CDK19: variants seen among roughly 807,000 people sequenced by gnomAD.
CDK19 encodes the protein cyclin dependent kinase 19.
CDK19 carries 20 observed loss-of-function variants against 68.3 expected under a neutral mutation model. That is an observed-to-expected ratio of 0.29 (90% CI 0.21 to 0.43). The LOEUF is 0.43. Ranked by LOEUF, CDK19 falls within the 20% of genes least tolerant of loss-of-function variation. CDK19 has a pLI of 1.00. For missense variants in CDK19, 339 were observed against 623.5 expected (o/e 0.54, Z 4.86); for synonymous variants, 221 against 222.8 (o/e 0.99, Z 0.07).
intron 2 of CDK19, among the ~76,000 whole-genome samples, chr6:110,672,880 T>A (rs1244707037): frequency 1.3e-5 from 2 of 152,090 alleles, no homozygotes; most frequent in Non-Finnish European, 2.9e-5. Context: ...AGTAGCATGG[T>A]ATTTCTAGAT....
intron 4 of CDK19, among the ~76,000 whole-genome samples, chr6:110,650,179 A>C (rs931141585): frequency 6.6e-6 from 1 of 152,250 alleles, no homozygotes; most frequent in Admixed American, 6.5e-5. Context: ...TTAAAACCAG[A>C]CAAAGCTAAA....
chr6:110,631,917 G>A lies in CDK19; in HGVS notation c.646+113C>T, dbSNP rs1209337118. The A allele has an allele frequency of 2.0e-5, 18 of 914,280 alleles. No homozygotes were observed. In the African/African-American group the frequency reaches 2.6e-4, roughly 13 times the overall value. 56.6% of individuals were successfully genotyped at this position (914,280 alleles called of 1,614,324 possible). ...AAATCTAGGAATACAGAAGACAATA[G>A]GACTTTTACAAAAATGTATAAAATG... On this transcript the variant is annotated intron_variant, in intron 6 of 12. Transcript: ENST00000368911.
In CDK19 at chr6:110,669,087, T is replaced by C. The variant is rs924160018; in HGVS notation, c.315+1344A>G. 2.0e-5 allele frequency among the ~76,000 whole-genome samples: 3 copies of C among 152,236 alleles called. No homozygotes were observed. In the East Asian group the frequency reaches 5.8e-4, roughly 29 times the overall value. ...CCACTGATGTTCAAAGTAAAGTACA[T>C]ACACTGTCCAGTAAGCCTTGGTTGA... On this transcript the variant is annotated intron_variant, in intron 3 of 12. Transcript: ENST00000368911.
chr6:110,715,033 C>T (rs968684852), intron 2 of CDK19, among the ~76,000 whole-genome samples: 2 of 152,014 alleles, frequency 1.3e-5, no homozygotes, highest in Admixed American at 6.6e-5. Flanking sequence ...CATGCCTGGC[C>T]GAAAAATGTC....
intron 1 of CDK19, among the ~76,000 whole-genome samples, chr6:110,775,633 A>G (rs1780343352): frequency 6.6e-6 from 1 of 152,246 alleles, no homozygotes; most frequent in Non-Finnish European, 1.5e-5. Context: ...TAAAATATTT[A>G]GATCTCAGAT....
intron 2 of CDK19, among the ~76,000 whole-genome samples, chr6:110,737,130 T>TA (rs1425544561): frequency 6.6e-6 from 1 of 152,222 alleles, no homozygotes; most frequent in Non-Finnish European, 1.5e-5. Flanking sequence ...TGCTAACAGC[T>TA]AACTAGTCTA....
At chr6:110,711,691 G>C (rs1774951808) in intron 2 of CDK19, among the ~76,000 whole-genome samples, 1 of 152,226 alleles carries the variant, frequency 6.6e-6, no homozygotes, top group Admixed American at 6.5e-5. Context: ...CAATGGGTTG[G>C]GCACAGTGGC....
At chr6:110,703,676 C>CA (rs1040410938) in intron 2 of CDK19, among the ~76,000 whole-genome samples, 10 of 151,960 alleles carry the variant, frequency 6.6e-5, no homozygotes, top group African/African-American at 2.4e-4. Context: ...CTTGTCTCTA[C>CA]AAAAAAATTT....
At chr6:110,715,326 T>C (rs1469328340) in intron 2 of CDK19, among the ~76,000 whole-genome samples, 4 of 152,166 alleles carry the variant, frequency 2.6e-5, no homozygotes, top group South Asian at 2.1e-4. Flanking sequence ...GGGTCAAAAA[T>C]AACTTGGTCA....
intron 1 of CDK19, among the ~76,000 whole-genome samples, chr6:110,747,375 A>G (rs939358751): frequency 7.2e-5 from 11 of 152,208 alleles, no homozygotes; most frequent in African/African-American, 2.7e-4. Context: ...TCCAACAGAT[A>G]GCATTCAGGA....
At chr6:110,790,632 T>TTA (rs200968769) in intron 1 of CDK19, among the ~76,000 whole-genome samples, 23,706 of 152,116 alleles carry the variant, frequency 0.16, 2,037 homozygotes, top group East Asian at 0.31. Flanking sequence ...ATCCACAGAT[T>TTA]CACTTTGAAA....
chr6:110,707,990 T>A (rs117240399), intron 2 of CDK19, among the ~76,000 whole-genome samples: 1 of 152,042 alleles, frequency 6.6e-6, no homozygotes, highest in Admixed American at 6.6e-5. Context: ...ATAAATAGTA[T>A]GTTTATGTTA....
At position 110,610,500 on chromosome 6, in the gene CDK19, A is replaced by G. The variant is rs1777967741; in HGVS notation, c.*4035T>C. ...AAGGGTTTTTTTTTTTATATAATAC[A>G]TACATATCACCCCTTTGCAGTGATA... On this transcript the variant is annotated 3_prime_UTR_variant, in exon 13 of 13. Coordinates refer to ENST00000368911, the MANE Select transcript of CDK19 (RefSeq NM_015076.5). 6.6e-6 allele frequency: 1 copy of G among 152,400 alleles called. No individual in the cohort carries two copies. The highest frequency in any genetic ancestry group is 6.5e-5 in the Admixed American group (1 of 15,278). The allele number at this position is 152,400 out of a possible 1,614,324, so 9.4% of individuals were successfully genotyped here. A position where few individuals can be genotyped will look rare whatever the true frequency, so the allele number is the denominator to read the frequency against.
chr6:110,727,408 C>A (rs1008229429), intron 2 of CDK19, among the ~76,000 whole-genome samples: 1 of 152,136 alleles, frequency 6.6e-6, no homozygotes, highest in Non-Finnish European at 1.5e-5. Flanking sequence ...ACTTACTGTA[C>A]CTACTCTTTC....
intron 1 of CDK19, among the ~76,000 whole-genome samples, chr6:110,764,681 T>C (rs1000437006): frequency 2.6e-5 from 4 of 152,324 alleles, no homozygotes; most frequent in Admixed American, 2.6e-4. Flanking sequence ...CCGGACACGG[T>C]GGCTCACGCC....
At chr6:110,626,608 A>G (rs1253707030) in intron 8 of CDK19, among the ~76,000 whole-genome samples, 168 bp downstream of exon 8, 1 of 152,166 alleles carries the variant, frequency 6.6e-6, no homozygotes, top group Non-Finnish European at 1.5e-5. Context: ...GTCACCCTGG[A>G]AGCAGAAAGC....
intron 2 of CDK19, among the ~76,000 whole-genome samples, chr6:110,724,415 A>G (rs1453119681): frequency 1.3e-5 from 2 of 152,116 alleles, no homozygotes; most frequent in Non-Finnish European, 2.9e-5. Context: ...GACTGACCGC[A>G]CTGCCCTGCT....
At chr6:110,619,379 G>A (rs1007392451) in intron 12 of CDK19, among the ~76,000 whole-genome samples, 2 of 152,122 alleles carry the variant, frequency 1.3e-5, no homozygotes, top group African/African-American at 4.8e-5. Context: ...TTTTAACCAA[G>A]ATGGTTTTGG....
intron 1 of CDK19, among the ~76,000 whole-genome samples, chr6:110,787,025 T>G (rs1424113202): frequency 6.6e-6 from 1 of 152,156 alleles, no homozygotes; most frequent in Non-Finnish European, 1.5e-5. Context: ...TCATTACTAA[T>G]TAATGTTCCT....
Sources: allele counts gnomAD v4.1 joint callset (sites outside exome capture counted in the v4.1 genomes callset), GRCh38; gene constraint gnomAD v4.1.1; transcripts MANE v1.5; gene names NCBI Gene and HGNC (gene_info 2026-07-23, HGNC 2026-07-21).